Variants in RAPGEF4 observed in about 807,000 individuals in gnomAD.
The protein encoded by RAPGEF4 is Rap guanine nucleotide exchange factor 4, also known as RAP guanine-nucleotide-exchange factor (GEF) 4.
RAPGEF4 carries 66 observed loss-of-function variants against 147.9 expected under a neutral mutation model. That is an observed-to-expected ratio of 0.45 (90% confidence interval 0.37 to 0.55). The LOEUF is 0.55. Ranked by LOEUF, RAPGEF4 falls within the 20% of genes least tolerant of loss-of-function variation. The pLI, the probability that RAPGEF4 is intolerant of heterozygous loss-of-function variation, is 0.00. For missense variants in RAPGEF4, 1,071 were observed against 1,257.3 expected (o/e 0.85, Z 2.24); for synonymous variants, 419 against 442.7 (o/e 0.95, Z 0.67).
chr2:172,931,016 C>G lies in RAPGEF4; in HGVS notation c.537+8716C>G, dbSNP rs189574702. Among the ~76,000 whole-genome samples the G allele has an allele frequency of 2.7e-3, 416 of 152,196 alleles. 3 individuals carry two copies. The highest frequency in any genetic ancestry group is 9.8e-3 in the African/African-American group (407 of 41,498). ...TCATTCATTGTTACAATCCATGTCC[C>G]TAGAAGCGCATGTTTGCCAGTTCCC... On this transcript the variant is annotated intron_variant, in intron 6 of 30. Transcript: ENST00000397081.
intron 1 of RAPGEF4, among the ~76,000 whole-genome samples, chr2:172,740,360 C>A (rs952062396): frequency 6.6e-6 from 1 of 152,144 alleles, no homozygotes; most frequent in Admixed American, 6.5e-5. Context: ...CCGTCACAGC[C>A]AAAGCAGATG....
At chr2:172,995,949 TTTA>T (rs1364915530) in intron 15 of RAPGEF4, among the ~76,000 whole-genome samples, 1 of 152,208 alleles carries the variant, frequency 6.6e-6, no homozygotes, top group Admixed American at 6.5e-5. Flanking sequence ...TTTCTCTCGT[TTTA>T]TTATTAGCTG....
chr2:172,817,442 T>C (rs1026992052), intron 4 of RAPGEF4, among the ~76,000 whole-genome samples: 3 of 152,164 alleles, frequency 2.0e-5, no homozygotes, highest in African/African-American at 7.2e-5. Flanking sequence ...CTTGTTCTGG[T>C]AAAATCCATC....
chr2:173,038,919 C>A (rs549506954), intron 29 of RAPGEF4, among the ~76,000 whole-genome samples: 1 of 152,248 alleles, frequency 6.6e-6, no homozygotes, highest in East Asian at 1.9e-4. Context: ...AAGGAAAAGT[C>A]AAGGTCACAT....
At chr2:172,924,596 A>G (rs1299923865) in intron 6 of RAPGEF4, among the ~76,000 whole-genome samples, 2 of 152,222 alleles carry the variant, frequency 1.3e-5, no homozygotes, top group African/African-American at 4.8e-5. Context: ...AAAGCTCTCC[A>G]ATGCCATCAG....
At chr2:172,959,144 AAC>A (rs1689031632) in intron 6 of RAPGEF4, among the ~76,000 whole-genome samples, 1 of 152,248 alleles carries the variant, frequency 6.6e-6, no homozygotes, top group Non-Finnish European at 1.5e-5. Context: ...GTGGTTAAAA[AAC>A]ACCTTAATAA....
At chr2:172,809,172 A>G (rs3769314) in intron 3 of RAPGEF4, among the ~76,000 whole-genome samples, 12,068 of 152,190 alleles carry the variant, frequency 0.079, 636 homozygotes, top group East Asian at 0.23. Context: ...GGAAGCAGGA[A>G]GGTGGTGTGA....
In RAPGEF4 at chr2:172,859,997, G is replaced by A. The variant is rs190399716; in HGVS notation, c.444+45572G>A. 5.1e-6 allele frequency: 5 copies of A among 982,260 alleles called. No homozygotes were observed. In the East Asian group the frequency reaches 3.4e-4, roughly 67 times the overall value. The allele number at this position is 982,260 out of a possible 1,614,324, so 60.8% of individuals were successfully genotyped here. Reference sequence around the variant, plus strand: ...GCAATTGTTTCATGGAAAACAGGGAGGGGTGGGGGACAACAACCCTGCTCT... The same window carrying A: ...GCAATTGTTTCATGGAAAACAGGGAAGGGTGGGGGACAACAACCCTGCTCT... On this transcript the variant is annotated intron_variant, in intron 4 of 30. Coordinates refer to ENST00000397081, the MANE Select transcript of RAPGEF4 (RefSeq NM_007023.4).
At position 172,794,347 on chromosome 2, in the gene RAPGEF4, CA is replaced by C. The variant is rs59850502; in HGVS notation, c.66-660del. On this transcript the variant is annotated intron_variant, in intron 1 of 30. Coordinates refer to ENST00000397081, the MANE Select transcript of RAPGEF4 (RefSeq NM_007023.4). The stretch of plus-strand genomic sequence containing the variant: ...GGGCAACAAAAGTGAAACTCCATCT[CA>C]AAAAAAAAAAAAAAAAAGAAAAAAG... Among the ~76,000 whole-genome samples, 856 of 101,904 alleles carry C rather than the reference CA, an allele frequency of 8.4e-3. 5 individuals carry two copies. Among genetic ancestry groups the C allele is most frequent in the African/African-American group, 0.028 (745 of 26,424 alleles). 66.9% of individuals were successfully genotyped at this position (101,904 alleles called of 152,430 possible).
chr2:173,040,200 AAAAG>A (rs1373102483), intron 29 of RAPGEF4, among the ~76,000 whole-genome samples: 1 of 152,176 alleles, frequency 6.6e-6, no homozygotes, highest in African/African-American at 2.4e-5. Context: ...AAAAAAAAAA[AAAAG>A]AATTGTCCTT....
intron 27 of RAPGEF4, among the ~76,000 whole-genome samples, chr2:173,034,622 C>T (rs1020620898): frequency 2.6e-5 from 4 of 152,042 alleles, no homozygotes; most frequent in African/African-American, 9.7e-5. Flanking sequence ...ACCTGTAATC[C>T]CAGCACTTTG....
chr2:172,965,481 G>T (rs543059995), intron 8 of RAPGEF4, 81 bp from the exon 9 acceptor site: 1 of 1,491,564 alleles, frequency 6.7e-7, no homozygotes, highest in Non-Finnish European at 9.3e-7. Context: ...CCTTTGGTAG[G>T]TTTTCCTCTC....
At position 172,814,396 on chromosome 2, in the gene RAPGEF4, G is replaced by C; in HGVS notation, c.415G>C (p.Glu139Gln). The C allele has an allele frequency of 6.2e-7, 1 of 1,614,154 alleles. No homozygotes were observed. The highest frequency in any genetic ancestry group is 1.1e-5 in the South Asian group (1 of 91,076). ...GGAGAGCAGTGAACTGCTCCGCATC[G>C]AGCAGAAGGACTTCAAGGCACTATG... ...TRESSELLRI[E>Q]QKDFKALWEK... Residue 139 changes from glutamate to glutamine, a missense_variant, in exon 4 of 31, where the codon GAG becomes CAG. Coordinates refer to ENST00000397081, the MANE Select transcript of RAPGEF4 (RefSeq NM_007023.4).
intron 1 of RAPGEF4, among the ~76,000 whole-genome samples, chr2:172,791,060 C>G (rs1422096712): frequency 6.6e-6 from 1 of 152,166 alleles, no homozygotes; most frequent in Non-Finnish European, 1.5e-5. Flanking sequence ...TTCCTGCAAG[C>G]CTTTTTTATA....
intron 12 of RAPGEF4, 25 bp downstream of exon 12, chr2:172,985,518 C>G: frequency 6.2e-7 from 1 of 1,608,424 alleles, no homozygotes; most frequent in Non-Finnish European, 8.5e-7. Flanking sequence ...GTACTGGAAC[C>G]TTGCGCCTGG....
At chr2:172,924,380 A>G (rs781020358) in intron 6 of RAPGEF4, among the ~76,000 whole-genome samples, 1 of 152,226 alleles carries the variant, frequency 6.6e-6, no homozygotes, top group Non-Finnish European at 1.5e-5. Flanking sequence ...CAGAACAATG[A>G]GCTCGTCAGA....
rs199843970 is a variant in RAPGEF4, at chr2:173,017,512, C to T, written c.2008+8C>T. 9 of 1,608,030 alleles carry T rather than the reference C, an allele frequency of 5.6e-6. No homozygotes were observed. In the East Asian group the frequency reaches 2.0e-4, roughly 36 times the overall value. On this transcript the variant is annotated splice_region_variant and intron_variant, in intron 21 of 30. Transcript: ENST00000397081. ...TCCGCGGCTCTGATGAAGGTGAGAACCCTCTTCCAACTAACTCGTAGTTGT... is the reference window on the plus strand; with the variant it reads ...TCCGCGGCTCTGATGAAGGTGAGAATCCTCTTCCAACTAACTCGTAGTTGT...
chr2:172,837,762 C>T (rs1691127006), intron 4 of RAPGEF4, among the ~76,000 whole-genome samples: 1 of 152,120 alleles, frequency 6.6e-6, no homozygotes, highest in Non-Finnish European at 1.5e-5. Flanking sequence ...TGGGATCTCA[C>T]TATGTTGCTC....
At chr2:172,925,094 C>T (rs1685146905) in intron 6 of RAPGEF4, among the ~76,000 whole-genome samples, 2 of 152,232 alleles carry the variant, frequency 1.3e-5, no homozygotes, top group South Asian at 2.1e-4. Flanking sequence ...ATTCTCCTGC[C>T]TCAGCCTCCT....
Sources: gnomAD v4.1 joint callset for allele counts (sites outside exome capture counted in the v4.1 genomes callset) on GRCh38, gnomAD v4.1.1 for gene constraint, MANE v1.5 for transcripts, NCBI Gene and HGNC (gene_info 2026-07-23, HGNC 2026-07-21) for gene names.